FER: variants seen among roughly 807,000 people sequenced by gnomAD.
FER encodes tyrosine-protein kinase Fer.
Under a neutral mutation model 111.0 loss-of-function variants are expected in FER, and 63 were observed. The observed-to-expected ratio is 0.57, with a 90% CI of 0.46 to 0.70. FER has a LOEUF of 0.70. FER is among the 30% of genes least tolerant of loss of function. The pLI is 0.00. For synonymous variants in FER, 327 were observed against 313.9 expected, an observed-to-expected ratio of 1.04 and a Z score of -0.44; for missense variants, 914 against 954.0, an observed-to-expected ratio of 0.96 and a Z score of 0.55.
intron 5 of FER, among the ~76,000 whole-genome samples, chr5:108,836,780 C>G (rs1760708666): frequency 6.6e-6 from 1 of 151,656 alleles, no homozygotes. Context: ...TCTTTCTCTT[C>G]TCCTTCCTTT....
intron 19 of FER, among the ~76,000 whole-genome samples, chr5:109,186,846 G>A (rs1322028916): frequency 1.3e-5 from 2 of 152,158 alleles, no homozygotes; most frequent in African/African-American, 2.4e-5. Flanking sequence ...ATAAAATACT[G>A]TGCCCTAATG....
chr5:108,868,926 A>G (rs191660912), intron 6 of FER, among the ~76,000 whole-genome samples: 4 of 152,242 alleles, frequency 2.6e-5, no homozygotes, highest in Admixed American at 2.6e-4. Context: ...ATGGTGCAAG[A>G]GGAAGCCTGA....
chr5:109,067,180 TTTA>T (rs1456432610), intron 16 of FER, among the ~76,000 whole-genome samples: 7 of 152,102 alleles, frequency 4.6e-5, no homozygotes, highest in Non-Finnish European at 1.0e-4. Flanking sequence ...GCAACTGGAT[TTTA>T]TTTGCCATAC....
intron 2 of FER, among the ~76,000 whole-genome samples, chr5:108,791,722 G>T (rs999833721): frequency 6.6e-6 from 1 of 152,002 alleles, no homozygotes; most frequent in Non-Finnish European, 1.5e-5. Flanking sequence ...TTTGTCATTT[G>T]TGCTTTTGTT....
At chr5:109,127,000 A>G (rs866927330) in intron 17 of FER, among the ~76,000 whole-genome samples, 36 of 152,222 alleles carry the variant, frequency 2.4e-4, no homozygotes, top group African/African-American at 8.2e-4. Context: ...AGAAAAGGCT[A>G]TAATAAGCTC....
chr5:108,927,668 G>T (rs185297944), intron 10 of FER, among the ~76,000 whole-genome samples: 2 of 152,286 alleles, frequency 1.3e-5, no homozygotes, highest in Admixed American at 1.3e-4. Flanking sequence ...CCTGCTCATT[G>T]TCGAAATCTT....
intron 17 of FER, among the ~76,000 whole-genome samples, chr5:109,127,345 T>C (rs950279130): frequency 2.0e-5 from 3 of 152,324 alleles, no homozygotes; most frequent in African/African-American, 7.2e-5. Flanking sequence ...CAAATAACTA[T>C]ATTAATGTTC....
At chr5:108,937,394 C>T (rs558681423) in intron 10 of FER, among the ~76,000 whole-genome samples, 1 of 152,040 alleles carries the variant, frequency 6.6e-6, no homozygotes, top group Non-Finnish European at 1.5e-5. Flanking sequence ...AGAAGTCACA[C>T]GGATGTTTCA....
intron 18 of FER, among the ~76,000 whole-genome samples, chr5:109,183,773 T>TG (rs987556968): frequency 1.3e-5 from 2 of 151,790 alleles, no homozygotes; most frequent in African/African-American, 4.8e-5. Context: ...TCAAGAAAAG[T>TG]GGGGGGTGGG....
rs181845484 is a variant in FER, at chr5:108,892,569, C to A, written c.1047-5090C>A. ...TTCATTGTAGATTCTGGATATTAGC[C>A]CTTTGTCAGATGAGCAGCTTGCAAA... is the stretch of plus-strand genomic sequence containing the variant. On this transcript the variant is annotated intron_variant, in intron 9 of 19. Coordinates refer to ENST00000281092, the MANE Select transcript of FER (RefSeq NM_005246.4). 2.1e-3 allele frequency among the ~76,000 whole-genome samples: 320 copies of A among 152,056 alleles called. 3 individuals carry two copies. The highest frequency in any genetic ancestry group is 7.1e-3 in the African/African-American group (295 of 41,478).
At chr5:108,921,142 A>G (rs1021959283) in intron 10 of FER, among the ~76,000 whole-genome samples, 1 of 152,154 alleles carries the variant, frequency 6.6e-6, no homozygotes. Flanking sequence ...GACCCCTGTC[A>G]TCATTATTTA....
intron 9 of FER, among the ~76,000 whole-genome samples, chr5:108,895,145 A>G (rs186453550): frequency 6.6e-6 from 1 of 152,328 alleles, no homozygotes; most frequent in Admixed American, 6.5e-5. Context: ...AGAGATTGGA[A>G]ACATCATGAG....
intron 1 of FER, chr5:108,748,697 G>C (rs1750053313): frequency 6.6e-6 from 1 of 152,322 alleles, no homozygotes; most frequent in African/African-American, 2.4e-5. Context: ...CCGCAGCTTG[G>C]GCTAAGCGTG....
intron 1 of FER, among the ~76,000 whole-genome samples, chr5:108,760,683 A>G (rs1751632871): frequency 6.6e-6 from 1 of 152,212 alleles, no homozygotes; most frequent in Admixed American, 6.5e-5. Flanking sequence ...CACCTCACCC[A>G]GACTTCATAG....
At chr5:108,953,934 A>G (rs1321307611) in intron 11 of FER, among the ~76,000 whole-genome samples, 1 of 152,090 alleles carries the variant, frequency 6.6e-6, no homozygotes, top group Non-Finnish European at 1.5e-5. Flanking sequence ...GTAATCAGAA[A>G]ATGTGTGATT....
intron 10 of FER, among the ~76,000 whole-genome samples, chr5:108,935,012 T>G (rs139531911): frequency 0.016 from 2,418 of 152,282 alleles, 54 homozygotes; most frequent in African/African-American, 0.056. Context: ...TAACCCATTT[T>G]CCTGATTAAT....
chr5:108,901,266 A>G (rs75288215), intron 10 of FER, among the ~76,000 whole-genome samples: 6,047 of 152,142 alleles, frequency 0.04, 164 homozygotes, highest in South Asian at 0.11. Context: ...AACTATGCTA[A>G]TGAGGAAAGC....
intron 17 of FER, among the ~76,000 whole-genome samples, chr5:109,125,033 G>T (rs1445229795): frequency 7.5e-6 from 1 of 132,630 alleles, no homozygotes; most frequent in African/African-American, 2.9e-5. Context: ...GCGACAGAGT[G>T]AGACTCTGTC....
chr5:108,882,993 C>T (rs149078698), intron 8 of FER, among the ~76,000 whole-genome samples: 2 of 151,958 alleles, frequency 1.3e-5, no homozygotes, highest in South Asian at 2.1e-4. Context: ...TACTATATAT[C>T]TCATAAGATT....
Sources: allele counts gnomAD v4.1 joint callset (sites outside exome capture counted in the v4.1 genomes callset), GRCh38; gene constraint gnomAD v4.1.1; transcripts MANE v1.5; gene names NCBI Gene and HGNC (gene_info 2026-07-23, HGNC 2026-07-21).